BRINP3: variants seen among roughly 807,000 people sequenced by gnomAD.
BRINP3 encodes BMP/retinoic acid inducible neural specific 3.
BRINP3 carries 19 observed loss-of-function variants against 71.0 expected under a neutral mutation model. The observed-to-expected ratio is 0.27, with a 90% CI of 0.19 to 0.39. The LOEUF is 0.39. BRINP3 is among the 10% of genes least tolerant of loss of function. BRINP3 has a pLI of 1.00. For missense variants in BRINP3, 959 were observed against 940.8 expected, an observed-to-expected ratio of 1.02 and a Z score of -0.25; for synonymous variants, 380 against 337.7, an observed-to-expected ratio of 1.13 and a Z score of -1.37.
At chr1:190,328,469 C>T (rs2103072351) in intron 2 of BRINP3, among the ~76,000 whole-genome samples, 1 of 152,000 alleles carries the variant, frequency 6.6e-6, no homozygotes, top group Admixed American at 6.6e-5. Context: ...GACACATAAT[C>T]TCCCAGGATT....
At chr1:190,259,105 T>C (rs1287155494) in intron 4 of BRINP3, among the ~76,000 whole-genome samples, 2 of 151,830 alleles carry the variant, frequency 1.3e-5, no homozygotes, top group African/African-American at 4.8e-5. Flanking sequence ...ATAAACTCTT[T>C]CACAAAATAG....
At chr1:190,466,693 T>C (rs1676774817) in intron 1 of BRINP3, among the ~76,000 whole-genome samples, 2 of 151,674 alleles carry the variant, frequency 1.3e-5, no homozygotes, top group East Asian at 1.9e-4. Flanking sequence ...TCAATTCACA[T>C]GGTAACAATT....
chr1:190,301,956 T>C (rs1396321324), intron 2 of BRINP3, among the ~76,000 whole-genome samples: 5 of 151,878 alleles, frequency 3.3e-5, no homozygotes, highest in Non-Finnish European at 7.4e-5. Flanking sequence ...GAAAGTGTTT[T>C]GGTACTACTT....
chr1:190,382,791 CTT>C (rs1670632281), intron 2 of BRINP3, among the ~76,000 whole-genome samples: 1 of 152,098 alleles, frequency 6.6e-6, no homozygotes, highest in Non-Finnish European at 1.5e-5. Context: ...TCCAGTAGGT[CTT>C]TGCAGTTTAT....
chr1:190,360,530 A>T (rs1033386148), intron 2 of BRINP3, among the ~76,000 whole-genome samples: 12 of 152,184 alleles, frequency 7.9e-5, no homozygotes, highest in Non-Finnish European at 1.5e-4. Context: ...GTTACATATG[A>T]ATTCTTTCAT....
At position 190,363,394 on chromosome 1, in the gene BRINP3, C is replaced by A. The variant is rs77659319; in HGVS notation, c.237-81644G>T. 1.4e-3 allele frequency among the ~76,000 whole-genome samples: 209 copies of A among 152,180 alleles called. 6 individuals are homozygous for A. The East Asian group carries it at 0.038, about 28-fold the overall frequency. On this transcript the variant is annotated intron_variant, in intron 2 of 7. Transcript: ENST00000367462. ...CAGAAATAGTGTTTGTTGTTTTAGGCAAATAACTTGATGTTCATTGGTAGA... is the reference window on the plus strand; with the variant it reads ...CAGAAATAGTGTTTGTTGTTTTAGGAAAATAACTTGATGTTCATTGGTAGA...
intron 2 of BRINP3, among the ~76,000 whole-genome samples, chr1:190,315,894 A>G (rs1329060881): frequency 1.3e-5 from 2 of 152,142 alleles, no homozygotes; most frequent in Non-Finnish European, 2.9e-5. Context: ...ACAGGCAAAC[A>G]ATACTTCCCA....
chr1:190,206,490 G>A (rs1025415751), intron 6 of BRINP3, among the ~76,000 whole-genome samples: 3 of 151,828 alleles, frequency 2.0e-5, no homozygotes, highest in Admixed American at 1.3e-4. Flanking sequence ...GAAAAAAAAC[G>A]TGTATGTGTA....
intron 4 of BRINP3, among the ~76,000 whole-genome samples, chr1:190,246,699 T>C (rs7524388): frequency 1 from 151,964 of 152,198 alleles, 75,865 homozygotes; most frequent in Non-Finnish European, 1. Flanking sequence ...ATGAACTAAA[T>C]GAAACCTGAT....
At chr1:190,332,932 A>T (rs993877203) in intron 2 of BRINP3, among the ~76,000 whole-genome samples, 1 of 151,778 alleles carries the variant, frequency 6.6e-6, no homozygotes, top group Non-Finnish European at 1.5e-5. Flanking sequence ...GCATCTATGA[A>T]CCCATATACC....
intron 6 of BRINP3, among the ~76,000 whole-genome samples, chr1:190,223,998 C>T (rs1308279010): frequency 6.6e-6 from 1 of 151,392 alleles, no homozygotes; most frequent in Non-Finnish European, 1.5e-5. Context: ...AGAAAACACA[C>T]AAATAATGTA....
intron 3 of BRINP3, among the ~76,000 whole-genome samples, chr1:190,279,059 T>C (rs995748386): frequency 2.6e-5 from 4 of 151,714 alleles, no homozygotes; most frequent in Non-Finnish European, 4.4e-5. Flanking sequence ...TCTGGAAAAA[T>C]ATATTTTATC....
intron 2 of BRINP3, 70 bp downstream of exon 2, chr1:190,454,585 T>A: frequency 7.7e-7 from 1 of 1,305,794 alleles, no homozygotes; most frequent in South Asian, 1.4e-5. Flanking sequence ...AAACTTTCCC[T>A]TAGAGAAACT....
At position 190,432,994 on chromosome 1, in the gene BRINP3, T is replaced by C. The variant is rs1674201543; in HGVS notation, c.236+21661A>G. On this transcript the variant is annotated intron_variant, in intron 2 of 7. Coordinates refer to ENST00000367462, the MANE Select transcript of BRINP3 (RefSeq NM_199051.3). The stretch of plus-strand genomic sequence containing the variant: ...CATATATCAATTATAGTGTTAAATT[T>C]ATTGAAAAGAAATAGAGACCAAAAA... 2.0e-5 allele frequency among the ~76,000 whole-genome samples: 3 copies of C among 152,304 alleles called. No homozygotes were observed. In the South Asian group the frequency reaches 6.2e-4, roughly 32 times the overall value.
At chr1:190,142,952 T>C (rs559845555) in intron 7 of BRINP3, among the ~76,000 whole-genome samples, 1 of 152,264 alleles carries the variant, frequency 6.6e-6, no homozygotes, top group South Asian at 2.1e-4. Context: ...TTTTTATTTT[T>C]CCTTTTCCAG....
intron 6 of BRINP3, among the ~76,000 whole-genome samples, chr1:190,189,963 G>A (rs1653890552): frequency 6.6e-6 from 1 of 152,142 alleles, no homozygotes; most frequent in South Asian, 2.1e-4. Flanking sequence ...GTGTGGCACT[G>A]CCAAAAGTCT....
At chr1:190,449,563 G>GTGTA (rs1558297283) in intron 2 of BRINP3, among the ~76,000 whole-genome samples, 1 of 150,644 alleles carries the variant, frequency 6.6e-6, no homozygotes, top group Non-Finnish European at 1.5e-5. Context: ...ATTATAGCAT[G>GTGTA]TATATATATA....
In BRINP3 at chr1:190,179,990, G is replaced by A. The variant is rs78444343; in HGVS notation, c.962-19100C>T. On this transcript the variant is annotated intron_variant, in intron 6 of 7. Transcript: ENST00000367462. ...CATTTTACTGGAATGAGTTCACGTG[G>A]TATTCCTGGTAAATAATGTGTCAGC... Among the ~76,000 whole-genome samples the A allele has an allele frequency of 3.6e-3, 541 of 152,196 alleles. 4 individuals are homozygous for A. The highest frequency in any genetic ancestry group is 0.012 in the African/African-American group (512 of 41,536).
At chr1:190,306,596 G>C (rs866506429) in intron 2 of BRINP3, among the ~76,000 whole-genome samples, 34 of 151,860 alleles carry the variant, frequency 2.2e-4, no homozygotes, top group African/African-American at 7.3e-4. Context: ...CCATGACCTA[G>C]ACCTAGTTGT....
Sources: allele counts gnomAD v4.1 joint callset (sites outside exome capture counted in the v4.1 genomes callset), GRCh38; gene constraint gnomAD v4.1.1; transcripts MANE v1.5; gene names NCBI Gene and HGNC (gene_info 2026-07-23, HGNC 2026-07-21).